TMEM50B: variants seen among roughly 807,000 people sequenced by gnomAD.
The protein encoded by TMEM50B is transmembrane protein 50B, also known as HCV p7-trans-regulated protein 3.
In TMEM50B, 14 loss-of-function variants were observed where a neutral mutation model predicts 23.4. That is an observed-to-expected ratio of 0.60 (90% CI 0.39 to 0.93). The LOEUF (loss-of-function observed/expected upper bound fraction) is 0.93, where lower values mean the gene tolerates loss of function less well. Among genes scored for constraint, TMEM50B ranks in the 40% least tolerant of loss-of-function variants. TMEM50B has a pLI of 0.00. For missense variants in TMEM50B, 159 were observed against 193.0 expected, an observed-to-expected ratio of 0.82 and a Z score of 1.04; for synonymous variants, 64 against 62.3, an observed-to-expected ratio of 1.03 and a Z score of -0.13.
chr21:33,462,585 T>C (rs933160448), intron 4 of TMEM50B, among the ~76,000 whole-genome samples: 7 of 152,048 alleles, frequency 4.6e-5, no homozygotes, highest in Admixed American at 2.0e-4. Flanking sequence ...GAGGGGAGGA[T>C]TGCTTGAGCC....
chr21:33,465,482 T>G, intron 3 of TMEM50B, 73 bp from the exon 4 acceptor site: 1 of 1,127,308 alleles, frequency 8.9e-7, no homozygotes, highest in Non-Finnish European at 1.3e-6. Flanking sequence ...ATATAACACT[T>G]AGACGGAAAA....
chr21:33,473,761 G>A (rs1321305575), intron 1 of TMEM50B, among the ~76,000 whole-genome samples: 2 of 151,984 alleles, frequency 1.3e-5, no homozygotes, highest in Non-Finnish European at 2.9e-5. Flanking sequence ...AGCATTATTC[G>A]TAATTGCCAC....
chr21:33,458,463 G>A (rs569740062), intron 5 of TMEM50B, among the ~76,000 whole-genome samples: 73 of 152,244 alleles, frequency 4.8e-4, no homozygotes, highest in African/African-American at 1.6e-3. Context: ...GCAGTGAGCC[G>A]AGATCACGCC....
intron 6 of TMEM50B, among the ~76,000 whole-genome samples, chr21:33,452,165 A>G (rs1202576203): frequency 6.6e-6 from 1 of 152,238 alleles, no homozygotes; most frequent in Non-Finnish European, 1.5e-5. Flanking sequence ...TCTTCATAAC[A>G]ACTTACCATA....
intron 1 of TMEM50B, among the ~76,000 whole-genome samples, chr21:33,472,029 T>TA (rs34148632): frequency 0.26 from 30,660 of 117,706 alleles, 3,923 homozygotes; most frequent in Middle Eastern, 0.4. Flanking sequence ...GAGACTCCCC[T>TA]AAAAAAAAAA....
intron 6 of TMEM50B, among the ~76,000 whole-genome samples, chr21:33,453,610 A>C (rs2084142334): frequency 6.6e-6 from 1 of 152,024 alleles, no homozygotes; most frequent in Admixed American, 6.6e-5. Context: ...CTATAGATCC[A>C]AGAAACTCAA....
chr21:33,442,428 G>A (rs2084016306), intron 7 of TMEM50B, among the ~76,000 whole-genome samples: 1 of 152,106 alleles, frequency 6.6e-6, no homozygotes. Flanking sequence ...CTAAGGAGAG[G>A]ACTCTGGTCA....
intron 1 of TMEM50B, among the ~76,000 whole-genome samples, chr21:33,472,566 T>TA (rs899492819): frequency 8.6e-5 from 13 of 151,124 alleles, no homozygotes; most frequent in Non-Finnish European, 1.5e-5. Context: ...GAATAAGAAA[T>TA]AAAAAAATTT....
chr21:33,464,292 G>A, intron 4 of TMEM50B, among the ~76,000 whole-genome samples: 1 of 151,408 alleles, frequency 6.6e-6, no homozygotes, highest in East Asian at 2.0e-4. Flanking sequence ...CTGCCTCCCG[G>A]GTTCAAGCGA....
intron 3 of TMEM50B, 86 bp downstream of exon 3, chr21:33,466,922 TAA>T: frequency 1.0e-6 from 1 of 988,810 alleles, no homozygotes; most frequent in Non-Finnish European, 1.5e-6. Flanking sequence ...TCAAATAAAT[TAA>T]AAAGTTATTC....
intron 8 of TMEM50B, among the ~76,000 whole-genome samples, chr21:33,433,830 C>T (rs1767359710): frequency 6.6e-6 from 1 of 151,604 alleles, no homozygotes; most frequent in Admixed American, 6.6e-5. Context: ...AAAAAGGTGG[C>T]CTGGCCTGGA....
At chr21:33,435,712 G>A (rs1034940165) in intron 8 of TMEM50B, among the ~76,000 whole-genome samples, 10 of 151,738 alleles carry the variant, frequency 6.6e-5, no homozygotes, top group Non-Finnish European at 1.3e-4. Context: ...GTGAAACCCT[G>A]TCTCTACTAA....
intron 2 of TMEM50B, among the ~76,000 whole-genome samples, chr21:33,467,540 CTTAAACCCA>C (rs1268486919): frequency 6.6e-6 from 1 of 152,174 alleles, no homozygotes; most frequent in Non-Finnish European, 1.5e-5. Flanking sequence ...AGGAGAATCG[CTTAAACCCA>C]GGAGGTGGAG....
intron 8 of TMEM50B, among the ~76,000 whole-genome samples, chr21:33,438,522 G>A (rs2083978690): frequency 6.6e-6 from 1 of 152,074 alleles, no homozygotes; most frequent in Non-Finnish European, 1.5e-5. Context: ...TATAGGCTGG[G>A]CACGGTGGCT....
intron 5 of TMEM50B, among the ~76,000 whole-genome samples, chr21:33,459,197 G>A (rs1601120990): frequency 6.6e-6 from 1 of 152,196 alleles, no homozygotes; most frequent in Non-Finnish European, 1.5e-5. Flanking sequence ...TTCTGAAACT[G>A]GGTTCTATTT....
intron 1 of TMEM50B, among the ~76,000 whole-genome samples, chr21:33,474,716 A>T (rs1459577970): frequency 1.4e-5 from 1 of 69,282 alleles, no homozygotes; most frequent in Non-Finnish European, 3.0e-5. Flanking sequence ...CAGAGGTTGC[A>T]GTGAGCCAAG....
At chr21:33,475,675 C>CT (rs1555885847) in intron 1 of TMEM50B, among the ~76,000 whole-genome samples, 1 of 151,196 alleles carries the variant, frequency 6.6e-6, no homozygotes, top group Non-Finnish European at 1.5e-5. Context: ...GAACAAGCAG[C>CT]TGGGTGCGGT....
In TMEM50B at chr21:33,455,745, T is replaced by C; in HGVS notation, c.413A>G (p.Asn138Ser). The change falls in exon 6 of 7, where the codon AAT becomes AGT. Residue 138 changes from asparagine (N) to serine (S), a missense_variant. Physicochemically the swap from Asn to Ser is conservative, Grantham distance 46 (BLOSUM62 1). Transcript: ENST00000542230. ...AACTTACCTAAAAAATATAAGTGCA[T>C]TTTGAAAAAACACAGCTAGTCCCGG... ...VYPGLAVFFQ[N>S]ALIFFSTLIY... is the part of the protein sequence containing the mutation. 2 of 1,613,864 alleles carry C rather than the reference T, an allele frequency of 1.2e-6. No homozygotes were observed. The highest frequency in any genetic ancestry group is 1.7e-6 in the Non-Finnish European group (2 of 1,179,866).
intron 1 of TMEM50B, among the ~76,000 whole-genome samples, chr21:33,469,167 C>G (rs2084290181): frequency 6.6e-6 from 1 of 152,100 alleles, no homozygotes; most frequent in South Asian, 2.1e-4. Context: ...TGTCTAGGAG[C>G]TAGGTGCCGA....
Sources: gnomAD v4.1 joint callset for allele counts (sites outside exome capture counted in the v4.1 genomes callset) on GRCh38, gnomAD v4.1.1 for gene constraint, MANE v1.5 for transcripts, NCBI Gene and HGNC (gene_info 2026-07-23, HGNC 2026-07-21) for gene names.